The following TRIM67 variants were observed in gnomAD, a reference collection of about 807,000 sequenced individuals.
The protein encoded by TRIM67 is tripartite motif-containing protein 67.
A neutral mutation model predicts 71.0 loss-of-function variants in TRIM67; 39 were observed. The ratio of observed to expected loss-of-function variants is 0.55; its 90% CI spans 0.43 to 0.72. The LOEUF is 0.72. TRIM67 is among the 30% of genes least tolerant of loss of function. The probability of loss-of-function intolerance (pLI) is 0.00; values close to 1 mark genes in which losing one functional copy is unlikely to be tolerated. For missense variants in TRIM67, 973 were observed against 1,079.2 expected, an observed-to-expected ratio of 0.90 and a Z score of 1.38; for synonymous variants, 481 against 473.9, an observed-to-expected ratio of 1.01 and a Z score of -0.19.
chr1:231,211,488 G>A (rs1041683151), intron 8 of TRIM67, among the ~76,000 whole-genome samples: 4 of 152,158 alleles, frequency 2.6e-5, no homozygotes, highest in South Asian at 2.1e-4. Context: ...CCTCCCATGG[G>A]TCACTACCGC....
At chr1:231,179,516 T>A (rs991582123) in intron 1 of TRIM67, among the ~76,000 whole-genome samples, 3 of 152,202 alleles carry the variant, frequency 2.0e-5, no homozygotes, top group African/African-American at 7.2e-5. Context: ...TTGGTTAATG[T>A]CACAGTGGTC....
At chr1:231,215,182 G>A (rs979035761) in intron 9 of TRIM67, among the ~76,000 whole-genome samples, 193 bp from the exon 10 acceptor site, 1 of 152,186 alleles carries the variant, frequency 6.6e-6, no homozygotes, top group African/African-American at 2.4e-5. Context: ...GAGGAAAGAG[G>A]TGCAAACCAA....
intron 2 of TRIM67, among the ~76,000 whole-genome samples, chr1:231,198,394 C>CT (rs60581267): frequency 0.029 from 4,339 of 149,144 alleles, 86 homozygotes; most frequent in Middle Eastern, 0.082. Flanking sequence ...GGACTGAATT[C>CT]TTTTTTTTTT....
intron 1 of TRIM67, among the ~76,000 whole-genome samples, chr1:231,179,262 G>A (rs1412052468): frequency 6.6e-6 from 1 of 152,176 alleles, no homozygotes; most frequent in Non-Finnish European, 1.5e-5. Context: ...ATCTCACATG[G>A]CATTCTCCCT....
chr1:231,181,154 T>C (rs1682895859), intron 1 of TRIM67, among the ~76,000 whole-genome samples: 1 of 152,198 alleles, frequency 6.6e-6, no homozygotes, highest in African/African-American at 2.4e-5. Flanking sequence ...TTAGTAAAGA[T>C]GAGGTTTTAC....
At chr1:231,164,051 A>G in intron 1 of TRIM67, 38 bp downstream of exon 1, 2 of 1,455,852 alleles carry the variant, frequency 1.4e-6, no homozygotes, top group Non-Finnish European at 1.8e-6. Context: ...GTGCCAGGGA[A>G]GAGGGTACGA....
At chr1:231,186,227 CAA>C (rs1029923826) in intron 1 of TRIM67, 2 of 1,421,594 alleles carry the variant, frequency 1.4e-6, no homozygotes, top group African/African-American at 3.0e-5. Context: ...GAAGGAGAGA[CAA>C]GAGTACATTC....
chr1:231,164,153 C>A, intron 1 of TRIM67, 140 bp downstream of exon 1: 1 of 1,112,794 alleles, frequency 9.0e-7, no homozygotes, highest in South Asian at 2.6e-5. Context: ...GCCATTCATT[C>A]CATCAGATAG....
intron 1 of TRIM67, among the ~76,000 whole-genome samples, chr1:231,195,915 C>T (rs1489999960): frequency 6.6e-6 from 1 of 152,216 alleles, no homozygotes; most frequent in African/African-American, 2.4e-5. Context: ...TCTAGAACCA[C>T]ACTTTGACAA....
Position 231,219,268 on chromosome 1 carries a change from C to A in TRIM67, c.*3828C>A. 1.0e-6 allele frequency: 1 copy of A among 977,914 alleles called. No homozygotes were observed. Among genetic ancestry groups the A allele is most frequent in the Non-Finnish European group, 1.2e-6 (1 of 822,796 alleles). The allele number at this position is 977,914 out of a possible 1,614,324, so 60.6% of individuals were successfully genotyped here. Reference sequence around the variant, plus strand: ...TCCCTGGTCTCTACCCATCATCTGCCAGTAGCAACCCCCAAGTTAGGTGTG... The same window carrying A: ...TCCCTGGTCTCTACCCATCATCTGCAAGTAGCAACCCCCAAGTTAGGTGTG... On this transcript the variant is annotated 3_prime_UTR_variant, in exon 10 of 10. Transcript: ENST00000366653.
intron 1 of TRIM67, among the ~76,000 whole-genome samples, chr1:231,179,540 T>C (rs2102724734): frequency 6.6e-6 from 1 of 152,342 alleles, no homozygotes; most frequent in East Asian, 1.9e-4. Context: ...AACCCATTTA[T>C]GCCTGAGGTT....
chr1:231,186,022 T>C (rs1683063564), intron 1 of TRIM67: 9 of 1,427,242 alleles, frequency 6.3e-6, no homozygotes, highest in Non-Finnish European at 8.6e-6. Flanking sequence ...GGTGCTTGGG[T>C]TGCAGATTTT....
intron 6 of TRIM67, 32 bp from the exon 7 acceptor site, chr1:231,206,620 G>A (rs762744095): frequency 2.0e-6 from 3 of 1,528,532 alleles, no homozygotes; most frequent in East Asian, 2.4e-5. Flanking sequence ...AAATGCTAGA[G>A]GAGCCTGGTG....
At chr1:231,198,912 T>C (rs1171646068) in intron 2 of TRIM67, 135 bp from the exon 3 acceptor site, 3 of 1,397,544 alleles carry the variant, frequency 2.1e-6, no homozygotes, top group East Asian at 4.7e-5. Context: ...ATATTGTCTC[T>C]AATTTAACAA....
intron 1 of TRIM67, among the ~76,000 whole-genome samples, chr1:231,165,006 T>C (rs1467360071): frequency 6.6e-6 from 1 of 152,120 alleles, no homozygotes; most frequent in East Asian, 1.9e-4. Flanking sequence ...ATAATACATA[T>C]GAAAAAAAGA....
Position 231,196,575 on chromosome 1 carries a change from C to CAA in TRIM67, c.1045-783_1045-782dup, listed in dbSNP as rs34957086. On this transcript the variant is annotated intron_variant, in intron 1 of 9. Coordinates refer to ENST00000366653, the MANE Select transcript of TRIM67 (RefSeq NM_001004342.5). ...TGGGCAACACAGTGAGACCCTGTCT[C>CAA]AAAAAAAAAAAAAATCAAGGTCACA... Among the ~76,000 whole-genome samples the CAA allele has an allele frequency of 1.8e-3, 225 of 126,344 alleles. 1 individual carries two copies. Among genetic ancestry groups the CAA allele is most frequent in the African/African-American group, 6.4e-3 (215 of 33,598 alleles). 82.9% of individuals were successfully genotyped at this position (126,344 alleles called of 152,430 possible). A position where few individuals can be genotyped will look rare whatever the true frequency, so the allele number is the denominator to read the frequency against.
At chr1:231,213,103 G>A (rs923615674) in intron 8 of TRIM67, among the ~76,000 whole-genome samples, 4 of 152,102 alleles carry the variant, frequency 2.6e-5, no homozygotes. Context: ...CATCTTCATC[G>A]ACCTCAGCAT....
chr1:231,201,589 G>A (rs985720713), intron 5 of TRIM67, 72 bp downstream of exon 5: 94 of 1,515,084 alleles, frequency 6.2e-5, no homozygotes, highest in South Asian at 3.2e-4. Context: ...GGGCCAGCTC[G>A]GTGCCATAGG....
chr1:231,191,849 G>A (rs1683238708), intron 1 of TRIM67, among the ~76,000 whole-genome samples: 1 of 152,176 alleles, frequency 6.6e-6, no homozygotes, highest in African/African-American at 2.4e-5. Flanking sequence ...CAAAAATCTA[G>A]AGCAAAATCA....
Sources: allele counts gnomAD v4.1 joint callset (sites outside exome capture counted in the v4.1 genomes callset), GRCh38; gene constraint gnomAD v4.1.1; transcripts MANE v1.5; gene names NCBI Gene and HGNC (gene_info 2026-07-23, HGNC 2026-07-21).